The following GSTZ1 variants were observed in gnomAD, a reference collection of about 807,000 sequenced individuals.
GSTZ1 encodes the protein glutathione S-transferase zeta 1.
Under a neutral mutation model 35.9 loss-of-function variants are expected in GSTZ1, and 34 were observed. The ratio of observed to expected loss-of-function variants is 0.95; its 90% CI spans 0.72 to 1.26. The LOEUF (loss-of-function observed/expected upper bound fraction) is 1.26. Among genes scored for constraint, GSTZ1 ranks in the 50% most tolerant of loss-of-function variants. The pLI, the probability that GSTZ1 is intolerant of heterozygous loss-of-function variation, is 0.00. For synonymous variants in GSTZ1, 93 were observed against 101.2 expected, an observed-to-expected ratio of 0.92 and a Z score of 0.49; for missense variants, 263 against 271.7, an observed-to-expected ratio of 0.97 and a Z score of 0.23.
intron 2 of GSTZ1, 113 bp from the exon 3 acceptor site, chr14:77,326,725 G>C: frequency 1.4e-6 from 1 of 717,212 alleles, no homozygotes; most frequent in East Asian, 2.7e-5. Flanking sequence ...CCACCCAGAA[G>C]TGTTAGAGAA....
intron 1 of GSTZ1, 42 bp downstream of exon 1, chr14:77,321,225 C>T: frequency 2.0e-6 from 3 of 1,530,134 alleles, no homozygotes; most frequent in African/African-American, 1.4e-5. Context: ...TGGTTAGACA[C>T]CTGGAGACCC....
intron 2 of GSTZ1, chr14:77,325,254 C>CT: frequency 3.2e-6 from 1 of 310,572 alleles, no homozygotes; most frequent in Non-Finnish European, 6.3e-6. Flanking sequence ...ACAGCTGGCC[C>CT]TTCTCAGTTC....
At chr14:77,324,778 G>C (rs1008049523) in intron 1 of GSTZ1, 92 bp from the exon 2 acceptor site, 1 of 1,312,774 alleles carries the variant, frequency 7.6e-7, no homozygotes, top group African/African-American at 1.4e-5. Flanking sequence ...GAGAGAGGAG[G>C]CCTGGCAGGA....
intron 1 of GSTZ1, 158 bp from the exon 2 acceptor site, chr14:77,324,712 C>G (rs574375772): frequency 6.6e-4 from 759 of 1,158,516 alleles, no homozygotes; most frequent in Non-Finnish European, 8.7e-4. Context: ...GCCAAGGGAC[C>G]TCATGAGCCT....
At chr14:77,330,042 T>C (rs1295164451) in intron 7 of GSTZ1, 1 of 653,916 alleles carries the variant, frequency 1.5e-6, no homozygotes, top group Non-Finnish European at 2.8e-6. Context: ...CTAGATGATG[T>C]CTGCGCAGTC....
In GSTZ1 at chr14:77,330,377, C is replaced by T. The variant is rs201893630; in HGVS notation, c.524+18C>T. On this transcript the variant is annotated intron_variant, in intron 8 of 8. Transcript: ENST00000216465. ...GCTGAAAGGTAAGAGAGAGCCCCGC[C>T]ACCCTCCCTTCTCGTGGCTCTGCCC... 22 of 1,598,916 alleles carry T rather than the reference C, an allele frequency of 1.4e-5. No individual in the cohort carries two copies. Among genetic ancestry groups the T allele is most frequent in the Non-Finnish European group, 1.8e-5 (21 of 1,166,182 alleles).
rs1020078355 is a variant in GSTZ1 at position 77,321,086 on chromosome 14, C to T, written c.-83C>T. ...GACGAAAGACACGGGCCTGATTCGT[C>T]GAGTCTCACTGAGCCTTAGTCGTCG... On this transcript the variant is annotated 5_prime_UTR_variant, in exon 1 of 9. Coordinates refer to ENST00000216465, the MANE Select transcript of GSTZ1 (RefSeq NM_145870.3). The T allele has an allele frequency of 1.1e-5, 15 of 1,328,980 alleles. No homozygotes were observed. The highest frequency in any genetic ancestry group is 5.3e-4 in the Middle Eastern group (2 of 3,770). The allele number at this position is 1,328,980 out of a possible 1,614,324, so 82.3% of individuals were successfully genotyped here.
intron 1 of GSTZ1, chr14:77,322,676 C>T (rs1183370945): frequency 1.0e-6 from 1 of 985,360 alleles, no homozygotes; most frequent in East Asian, 1.1e-4. Flanking sequence ...TCGAAAGACA[C>T]TTTCTGCCCA....
chr14:77,324,949 G>C (rs1409088758), intron 2 of GSTZ1, 28 bp downstream of exon 2: 1 of 1,579,330 alleles, frequency 6.3e-7, no homozygotes, highest in Non-Finnish European at 8.7e-7. Context: ...TCCAGGATGA[G>C]TGCTGGAGTG....
At position 77,321,642 on chromosome 14, in the gene GSTZ1, G is replaced by C. The variant is rs574499171; in HGVS notation, c.15+459G>C. Reference sequence around the variant, plus strand: ...CTCACGCCTGTAATCCCAGCACTTTGGGAGGCCGAGGCGGGCGGATCACAA... The same window carrying C: ...CTCACGCCTGTAATCCCAGCACTTTCGGAGGCCGAGGCGGGCGGATCACAA... On this transcript the variant is annotated intron_variant, in intron 1 of 8. Transcript: ENST00000216465. 3.0e-5 allele frequency: 18 copies of C among 603,746 alleles called. No individual in the cohort carries two copies. The South Asian group carries it at 4.0e-4, about 13-fold the overall frequency. The allele number at this position is 603,746 out of a possible 1,614,324, so 37.4% of individuals were successfully genotyped here.
At chr14:77,328,404 T>C in intron 5 of GSTZ1, 1 of 223,924 alleles carries the variant, frequency 4.5e-6, no homozygotes, top group Non-Finnish European at 8.8e-6. Flanking sequence ...GGGATACTTG[T>C]AGGATTTTAT....
intron 1 of GSTZ1, 187 bp from the exon 2 acceptor site, chr14:77,324,683 A>C: frequency 7.6e-7 from 1 of 1,309,084 alleles, no homozygotes; most frequent in Non-Finnish European, 1.1e-6. Flanking sequence ...TCAGGAGCTC[A>C]AACCAGCATA....
At chr14:77,329,898 G>A (rs556556921) in intron 7 of GSTZ1, 91 bp downstream of exon 7, 58 of 938,854 alleles carry the variant, frequency 6.2e-5, no homozygotes, top group South Asian at 3.8e-4. Context: ...CTGAGAAGGC[G>A]TCTGCAGGGG....
chr14:77,328,796 G>A, intron 5 of GSTZ1: 1 of 374,140 alleles, frequency 2.7e-6, no homozygotes, highest in South Asian at 2.9e-5. Flanking sequence ...GGAGAAGTGA[G>A]GGAGACAGGC....
intron 8 of GSTZ1, among the ~76,000 whole-genome samples, chr14:77,330,666 G>A (rs1429044621): frequency 6.6e-6 from 1 of 152,126 alleles, no homozygotes; most frequent in Non-Finnish European, 1.5e-5. Context: ...GTGAGCAGTA[G>A]TGAGCTCTAC....
intron 1 of GSTZ1, chr14:77,321,453 C>G (rs750116240): frequency 1.4e-5 from 21 of 1,515,972 alleles, no homozygotes; most frequent in Non-Finnish European, 1.9e-5. Flanking sequence ...TCTGCTCCGC[C>G]CTCCCTGCTC....
At position 77,331,428 on chromosome 14, in the gene GSTZ1, C is replaced by T. The variant is rs528524566; in HGVS notation, c.*233C>T. On this transcript the variant is annotated 3_prime_UTR_variant, in exon 9 of 9. Transcript: ENST00000216465. ...GGCAGGAATACTGTTATCTATGTGA[C>T]GGGGCAGTCGTGAGGCTGAGATGAG... 42 of 474,916 alleles carry T rather than the reference C, an allele frequency of 8.8e-5. No homozygotes were observed. The South Asian group carries it at 1.0e-3, about 11-fold the overall frequency. The allele number at this position is 474,916 out of a possible 1,614,324, so 29.4% of individuals were successfully genotyped here. A position where few individuals can be genotyped will look rare whatever the true frequency, so the allele number is the denominator to read the frequency against.
chr14:77,329,859 A>T (rs766752055), intron 7 of GSTZ1, 52 bp downstream of exon 7: 6 of 1,328,456 alleles, frequency 4.5e-6, no homozygotes, highest in African/African-American at 1.4e-5. Context: ...TGCCTCCCTC[A>T]TGCTGACCTC....
intron 6 of GSTZ1, chr14:77,329,469 A>G (rs1892500696): frequency 8.4e-6 from 5 of 595,758 alleles, no homozygotes; most frequent in Admixed American, 2.9e-5. Flanking sequence ...CTGGGAAACC[A>G]AGGCCAGCAC....
Sources: gnomAD v4.1 joint callset for allele counts (sites outside exome capture counted in the v4.1 genomes callset) on GRCh38, gnomAD v4.1.1 for gene constraint, MANE v1.5 for transcripts, NCBI Gene and HGNC (gene_info 2026-07-23, HGNC 2026-07-21) for gene names.